Variants in WWOX observed in about 807,000 individuals in gnomAD.
WWOX encodes the protein WW domain containing oxidoreductase, also known as WW domain-containing oxidoreductase.
Under a neutral mutation model 46.2 loss-of-function variants are expected in WWOX, and 69 were observed. The observed-to-expected ratio is 1.49, with a 90% CI of 1.23 to 1.82. The LOEUF (loss-of-function observed/expected upper bound fraction) is 1.82, where lower values mean the gene tolerates loss of function less well. WWOX is among the 40% of genes most tolerant of loss of function. The pLI is 0.00. For missense variants in WWOX, 919 were observed against 542.6 expected (o/e 1.69, Z -6.89); for synonymous variants, 359 against 202.6 (o/e 1.77, Z -6.56).
intron 8 of WWOX, among the ~76,000 whole-genome samples, chr16:78,885,966 C>T (rs1348145631): frequency 2.1e-5 from 3 of 142,004 alleles, no homozygotes; most frequent in Admixed American, 7.6e-5. Context: ...GCTCTGTTGC[C>T]CAGGCTGGAG....
At chr16:78,277,206 G>C (rs917453732) in intron 5 of WWOX, among the ~76,000 whole-genome samples, 1 of 152,182 alleles carries the variant, frequency 6.6e-6, no homozygotes, top group Non-Finnish European at 1.5e-5. Flanking sequence ...AGGAAAAAAA[G>C]GGGGATGGCA....
intron 6 of WWOX, among the ~76,000 whole-genome samples, chr16:78,407,241 C>A (rs2082569871): frequency 6.6e-6 from 1 of 152,164 alleles, no homozygotes. Flanking sequence ...GACTGTGGGT[C>A]CTTGGGCCCT....
intron 8 of WWOX, among the ~76,000 whole-genome samples, chr16:78,643,666 C>A (rs1384381729): frequency 6.6e-6 from 1 of 152,030 alleles, no homozygotes; most frequent in African/African-American, 2.4e-5. Flanking sequence ...CTAATAATGG[C>A]CCCGTTGTAA....
intron 6 of WWOX, among the ~76,000 whole-genome samples, chr16:78,413,285 A>G (rs1028328743): frequency 2.0e-4 from 31 of 152,148 alleles, no homozygotes; most frequent in Admixed American, 2.0e-3. Context: ...TCACGTGTCC[A>G]TGTGAAGAGA....
intron 8 of WWOX, among the ~76,000 whole-genome samples, chr16:78,908,595 T>A (rs2045028763): frequency 1.3e-5 from 2 of 148,818 alleles, no homozygotes; most frequent in Admixed American, 6.7e-5. Flanking sequence ...GAGACCAGAG[T>A]TTTATTATTA....
chr16:78,428,874 A>G (rs1425465148), intron 7 of WWOX, among the ~76,000 whole-genome samples: 2 of 152,208 alleles, frequency 1.3e-5, no homozygotes, highest in African/African-American at 2.4e-5. Context: ...AGCCCTAAAC[A>G]TGAGGAAATT....
At chr16:78,682,058 TG>T (rs2047742956) in intron 8 of WWOX, among the ~76,000 whole-genome samples, 1 of 152,234 alleles carries the variant, frequency 6.6e-6, no homozygotes, top group Non-Finnish European at 1.5e-5. Context: ...TCCAAATGAC[TG>T]TGACGACTGA....
At chr16:78,540,505 A>C in intron 8 of WWOX, among the ~76,000 whole-genome samples, 1 of 152,134 alleles carries the variant, frequency 6.6e-6, no homozygotes, top group East Asian at 1.9e-4. Flanking sequence ...GAAAAGGATT[A>C]GTTTTATTTT....
At chr16:78,926,866 G>A (rs774294214) in intron 8 of WWOX, among the ~76,000 whole-genome samples, 1 of 152,110 alleles carries the variant, frequency 6.6e-6, no homozygotes, top group African/African-American at 2.4e-5. Flanking sequence ...GTGCGATGAA[G>A]GCTTACTGCA....
At chr16:78,760,594 G>C (rs62038561) in intron 8 of WWOX, among the ~76,000 whole-genome samples, 1 of 152,116 alleles carries the variant, frequency 6.6e-6, no homozygotes, top group Non-Finnish European at 1.5e-5. Flanking sequence ...TTTTGTGTCT[G>C]TGTCTCCCCT....
At position 78,919,719 on chromosome 16, in the gene WWOX, A is replaced by G. The variant is rs146879353; in HGVS notation, c.1057-291889A>G. Among the ~76,000 whole-genome samples, 125 of 151,590 alleles carry G rather than the reference A, an allele frequency of 8.2e-4. 1 individual carries two copies. Among genetic ancestry groups the G allele is most frequent in the African/African-American group, 2.9e-3 (121 of 41,340 alleles). ...TTTTAGGAGAGAGGGGTTTTACCAT[A>G]TTGGCCCAGCTGGTCTCGAACTCGT... On this transcript the variant is annotated intron_variant, in intron 8 of 8. Transcript: ENST00000566780.
intron 5 of WWOX, among the ~76,000 whole-genome samples, chr16:78,166,519 A>G (rs549330166): frequency 1.5e-3 from 234 of 151,848 alleles, no homozygotes; most frequent in African/African-American, 5.2e-3. Flanking sequence ...AATTTTGGTA[A>G]CAGTTCCCGA....
intron 8 of WWOX, among the ~76,000 whole-genome samples, chr16:79,070,113 T>C (rs189081747): frequency 6.6e-6 from 1 of 152,276 alleles, no homozygotes; most frequent in African/African-American, 2.4e-5. Flanking sequence ...ATTGGGCAAA[T>C]TGACTTGAAA....
At chr16:78,536,901 CT>C (rs35326105) in intron 8 of WWOX, among the ~76,000 whole-genome samples, 11,698 of 120,004 alleles carry the variant, frequency 0.097, 422 homozygotes, top group Middle Eastern at 0.18. Context: ...AGAGCCAAGT[CT>C]TTTTTTTTTT....
chr16:78,604,308 C>T (rs959342180), intron 8 of WWOX, among the ~76,000 whole-genome samples: 1 of 152,104 alleles, frequency 6.6e-6, no homozygotes, highest in South Asian at 2.1e-4. Flanking sequence ...TACATCTTGT[C>T]CTCTTAACCC....
intron 5 of WWOX, chr16:78,179,821 C>T (rs1489240683): frequency 6.6e-6 from 1 of 152,218 alleles, no homozygotes; most frequent in South Asian, 2.1e-4. Flanking sequence ...CCTTGCTTGT[C>T]TTGTTCCTCT....
At chr16:78,976,796 T>G (rs1472356648) in intron 8 of WWOX, among the ~76,000 whole-genome samples, 2 of 152,168 alleles carry the variant, frequency 1.3e-5, no homozygotes, top group African/African-American at 4.8e-5. Flanking sequence ...GAGGCAGATC[T>G]TAGTGCTGAC....
At chr16:78,574,382 C>T (rs900227827) in intron 8 of WWOX, among the ~76,000 whole-genome samples, 5 of 152,142 alleles carry the variant, frequency 3.3e-5, no homozygotes, top group South Asian at 2.1e-4. Context: ...TTATGTGGGG[C>T]CACCTTACAG....
intron 6 of WWOX, among the ~76,000 whole-genome samples, chr16:78,397,979 C>G (rs772855983): frequency 4.6e-5 from 7 of 152,222 alleles, no homozygotes; most frequent in Admixed American, 6.5e-5. Flanking sequence ...TTCGTTTAAG[C>G]TGAAGCGGCA....
Sources: gnomAD v4.1 joint callset for allele counts (sites outside exome capture counted in the v4.1 genomes callset) on GRCh38, gnomAD v4.1.1 for gene constraint, MANE v1.5 for transcripts, NCBI Gene and HGNC (gene_info 2026-07-23, HGNC 2026-07-21) for gene names.